Variants in HYDIN observed in about 807,000 individuals in gnomAD.
The protein encoded by HYDIN is HYDIN axonemal central pair apparatus protein, also known as axonemal central pair apparatus protein HYDIN.
In HYDIN, 132 loss-of-function variants were observed where a neutral mutation model predicts 403.9. That is an observed-to-expected ratio of 0.33 (90% CI 0.28 to 0.38). HYDIN has a LOEUF of 0.38. Ranked by LOEUF, HYDIN falls within the 10% of genes least tolerant of loss-of-function variation. The pLI is 1.00. For synonymous variants in HYDIN, 1,202 were observed against 1,891.7 expected (o/e 0.64, Z 9.46); for missense variants, 2,827 against 5,009.5 (o/e 0.56, Z 13.15).
intron 1 of HYDIN, among the ~76,000 whole-genome samples, chr16:71,201,170 AAATTTT>A (rs2087986867): frequency 6.6e-6 from 1 of 152,142 alleles, no homozygotes; most frequent in Admixed American, 6.5e-5. Flanking sequence ...ATATGTAACT[AAATTTT>A]TATGTCTTCC....
chr16:71,165,569 C>T (rs939049541), intron 5 of HYDIN, among the ~76,000 whole-genome samples: 1 of 151,414 alleles, frequency 6.6e-6, no homozygotes, highest in African/African-American at 2.4e-5. Context: ...CATCTTCTTG[C>T]CTTCTGTATA....
chr16:70,954,503 C>A (rs561075637), intron 40 of HYDIN, among the ~76,000 whole-genome samples: 1 of 151,704 alleles, frequency 6.6e-6, no homozygotes, highest in Non-Finnish European at 1.5e-5. Flanking sequence ...CCCCCTCCCC[C>A]AAACCCAACC....
At chr16:71,086,239 A>G (rs1036964584) in intron 12 of HYDIN, among the ~76,000 whole-genome samples, 3 of 152,256 alleles carry the variant, frequency 2.0e-5, no homozygotes, top group African/African-American at 7.2e-5. Context: ...TGAGGGCAGT[A>G]GTATTCATGC....
intron 1 of HYDIN, among the ~76,000 whole-genome samples, chr16:71,189,132 C>A (rs959163140): frequency 6.6e-6 from 1 of 152,124 alleles, no homozygotes; most frequent in African/African-American, 2.4e-5. Flanking sequence ...GTTACATATG[C>A]ATGTACATCT....
chr16:70,849,358 T>C (rs540740800), intron 75 of HYDIN, among the ~76,000 whole-genome samples: 1 of 152,226 alleles, frequency 6.6e-6, no homozygotes. Flanking sequence ...CTCATTGCTA[T>C]TGAAAAGCAG....
At chr16:71,060,054 A>T (rs2082029541) in intron 18 of HYDIN, among the ~76,000 whole-genome samples, 1 of 152,206 alleles carries the variant, frequency 6.6e-6, no homozygotes, top group African/African-American at 2.4e-5. Context: ...CAACATATGT[A>T]TAGCCAAAAG....
At chr16:71,001,723 T>C (rs1468519816) in intron 23 of HYDIN, among the ~76,000 whole-genome samples, 3 of 150,946 alleles carry the variant, frequency 2.0e-5, no homozygotes, top group South Asian at 2.1e-4. Flanking sequence ...TAATCTCAGG[T>C]TGGTCTGCAG....
chr16:71,056,219 G>A (rs1258565964), intron 18 of HYDIN, among the ~76,000 whole-genome samples: 1 of 151,306 alleles, frequency 6.6e-6, no homozygotes, highest in Non-Finnish European at 1.5e-5. Flanking sequence ...TGTTGGTGGA[G>A]GCTGATATTC....
At chr16:70,897,685 A>C (rs1256276646) in intron 53 of HYDIN, among the ~76,000 whole-genome samples, 1 of 150,866 alleles carries the variant, frequency 6.6e-6, no homozygotes, top group Non-Finnish European at 1.5e-5. Context: ...AGTTATACAG[A>C]TGAAATAAAA....
intron 28 of HYDIN, among the ~76,000 whole-genome samples, chr16:70,984,100 C>T (rs1264765715): frequency 7.9e-5 from 12 of 152,226 alleles, no homozygotes; most frequent in African/African-American, 1.2e-4. Flanking sequence ...ATGGGGCTCA[C>T]GCCTGTAATC....
At chr16:71,074,635 T>C (rs1469484822) in intron 13 of HYDIN, among the ~76,000 whole-genome samples, 1 of 122,756 alleles carries the variant, frequency 8.1e-6, no homozygotes, top group African/African-American at 3.2e-5. Context: ...TGAGCCAACA[T>C]GGTGCCACTG....
chr16:71,085,948 T>A (rs2082919440), intron 12 of HYDIN, among the ~76,000 whole-genome samples: 3 of 152,066 alleles, frequency 2.0e-5, no homozygotes, highest in Admixed American at 2.0e-4. Flanking sequence ...TGTTTTGTTC[T>A]AATCCATTCT....
chr16:70,805,985 A>G lies in HYDIN; in HGVS notation c.*1595T>C, dbSNP rs2035088744. 6.6e-6 allele frequency among the ~76,000 whole-genome samples: 1 copy of G among 152,176 alleles called. No homozygotes were observed. Among genetic ancestry groups the G allele is most frequent in the Admixed American group, 6.5e-5 (1 of 15,276 alleles). ...TGTGAATCATCCCCTCGTCTAGCGTATGCATGCTGTAGACACAACCTACTT... is the reference window on the plus strand; with the variant it reads ...TGTGAATCATCCCCTCGTCTAGCGTGTGCATGCTGTAGACACAACCTACTT... On this transcript the variant is annotated 3_prime_UTR_variant, in exon 86 of 86. Coordinates refer to ENST00000393567, the MANE Select transcript of HYDIN (RefSeq NM_001270974.2).
intron 1 of HYDIN, among the ~76,000 whole-genome samples, chr16:71,228,782 T>A (rs958822295): frequency 6.6e-5 from 10 of 152,130 alleles, no homozygotes; most frequent in African/African-American, 2.4e-4. Flanking sequence ...GAAATACCAT[T>A]TGATCCAGCC....
chr16:70,850,857 T>C (rs1158849671), intron 73 of HYDIN, among the ~76,000 whole-genome samples: 2 of 152,130 alleles, frequency 1.3e-5, no homozygotes, highest in African/African-American at 2.4e-5. Flanking sequence ...TGGAAAAAGA[T>C]AGAGATCCTA....
intron 56 of HYDIN, 103 bp from the exon 57 acceptor site, chr16:70,891,987 GTTC>G (rs1414893263): frequency 2.4e-6 from 1 of 409,170 alleles, no homozygotes; most frequent in African/African-American, 2.1e-5. Context: ...ATGAAGCCAT[GTTC>G]TTTATTTCAC....
At chr16:71,179,080 C>A (rs982203816) in intron 3 of HYDIN, 33 bp from the exon 4 acceptor site, 22 of 1,563,098 alleles carry the variant, frequency 1.4e-5, no homozygotes, top group Non-Finnish European at 1.7e-5. Context: ...TTGTTATAGT[C>A]ACACATTGAC....
chr16:71,073,768 T>G (rs2082541570), intron 13 of HYDIN, among the ~76,000 whole-genome samples: 1 of 152,212 alleles, frequency 6.6e-6, no homozygotes, highest in Admixed American at 6.5e-5. Flanking sequence ...CCATTTATTC[T>G]TTAACCCATC....
At chr16:70,888,265 A>G (rs1033030297) in intron 58 of HYDIN, among the ~76,000 whole-genome samples, 1 of 152,264 alleles carries the variant, frequency 6.6e-6, no homozygotes, top group Non-Finnish European at 1.5e-5. Context: ...TGGTATGATG[A>G]GTGATTTTCA....
Sources: gnomAD v4.1 joint callset for allele counts (sites outside exome capture counted in the v4.1 genomes callset) on GRCh38, gnomAD v4.1.1 for gene constraint, MANE v1.5 for transcripts, NCBI Gene and HGNC (gene_info 2026-07-23, HGNC 2026-07-21) for gene names.